Variants in TTC39B observed in about 807,000 individuals in gnomAD.
TTC39B encodes the protein tetratricopeptide repeat domain 39B, also known as tetratricopeptide repeat protein 39B.
A neutral mutation model predicts 96.6 loss-of-function variants in TTC39B; 92 were observed. That is an observed-to-expected ratio of 0.95 (90% CI 0.80 to 1.13). The LOEUF (loss-of-function observed/expected upper bound fraction) is 1.13. TTC39B is among the 50% of genes most tolerant of loss of function. The probability of loss-of-function intolerance (pLI) is 0.00; values close to 1 mark genes in which losing one functional copy is unlikely to be tolerated. For synonymous variants in TTC39B, 367 were observed against 299.4 expected, an observed-to-expected ratio of 1.23 and a Z score of -2.33; for missense variants, 955 against 809.3, an observed-to-expected ratio of 1.18 and a Z score of -2.18.
chr9:15,263,051 T>G (rs746014477), intron 2 of TTC39B, among the ~76,000 whole-genome samples: 7 of 152,216 alleles, frequency 4.6e-5, no homozygotes, highest in Non-Finnish European at 4.4e-5. Context: ...TTAACATGTA[T>G]TTATAATCAG....
chr9:15,302,602 G>C (rs1194230135), intron 1 of TTC39B, among the ~76,000 whole-genome samples: 2 of 140,018 alleles, frequency 1.4e-5, no homozygotes, highest in Non-Finnish European at 3.0e-5. Context: ...CCAGCACTTT[G>C]AGAGGCCGAG....
At chr9:15,173,222 A>C (rs1018874590) in intron 19 of TTC39B, among the ~76,000 whole-genome samples, 19 of 152,318 alleles carry the variant, frequency 1.2e-4, no homozygotes, top group Non-Finnish European at 2.5e-4. Flanking sequence ...GGATTTGAAG[A>C]TATCTATATC....
At position 15,214,344 on chromosome 9, in the gene TTC39B, GTGTCTGTGTGTGTGTGTC is replaced by G. The variant is rs1215426947; in HGVS notation, c.372-113_372-96del. 18 of 729,678 alleles carry G rather than the reference GTGTCTGTGTGTGTGTGTC, an allele frequency of 2.5e-5. No individual in the cohort carries two copies. The African/African-American group carries it at 2.9e-4, about 12-fold the overall frequency. The allele number at this position is 729,678 out of a possible 1,614,324, so 45.2% of individuals were successfully genotyped here. A position where few individuals can be genotyped will look rare whatever the true frequency, so the allele number is the denominator to read the frequency against. The stretch of plus-strand genomic sequence containing the variant: ...TGTGTGTGTGTGTGTGTGTGTGTGT[GTGTCTGTGTGTGTGTGTC>G]TGTGTGTGTGTCTGTGTGTGGATTC... On this transcript the variant is annotated intron_variant, in intron 3 of 19. Coordinates refer to ENST00000512701, the Ensembl canonical transcript of TTC39B.
chr9:15,260,562 T>C (rs917132232), intron 2 of TTC39B, among the ~76,000 whole-genome samples: 1 of 152,066 alleles, frequency 6.6e-6, no homozygotes, highest in African/African-American at 2.4e-5. Context: ...TTCACCGATA[T>C]TCACCCTTAA....
chr9:15,302,424 G>A lies in TTC39B; in HGVS notation c.240+4660C>T, dbSNP rs372141210. On this transcript the variant is annotated intron_variant, in intron 1 of 19. Transcript: ENST00000512701. ...AAGGTCAGGAGTTCGAGACCAGCCT[G>A]GCCAATATGGTGAAACCTCGTCTCT... 8.0e-5 allele frequency among the ~76,000 whole-genome samples: 12 copies of A among 150,100 alleles called. No individual in the cohort carries two copies. In the East Asian group the frequency reaches 2.0e-3, roughly 25 times the overall value.
At chr9:15,184,852 T>C (rs1267063832) in intron 16 of TTC39B, among the ~76,000 whole-genome samples, 1 of 152,242 alleles carries the variant, frequency 6.6e-6, no homozygotes, top group Non-Finnish European at 1.5e-5. Context: ...ATATACTGGG[T>C]TAAAATATAT....
chr9:15,172,028 G>T, exon 20 of TTC39B: 1 of 1,611,940 alleles, frequency 6.2e-7, no homozygotes, highest in Non-Finnish European at 8.5e-7. Context: ...ATCAATCTGA[G>T]GAAGGTTTTC....
intron 1 of TTC39B, among the ~76,000 whole-genome samples, chr9:15,290,461 AC>A: frequency 6.6e-6 from 1 of 152,318 alleles, no homozygotes; most frequent in African/African-American, 2.4e-5. Flanking sequence ...CAGAATCTTT[AC>A]CATAAAACAG....
chr9:15,294,980 A>C (rs920095632), intron 1 of TTC39B, among the ~76,000 whole-genome samples: 4 of 152,210 alleles, frequency 2.6e-5, no homozygotes, highest in South Asian at 4.1e-4. Flanking sequence ...CAGGGATTCA[A>C]GCCCACGTCC....
At chr9:15,240,689 A>G (rs1026518811) in intron 2 of TTC39B, among the ~76,000 whole-genome samples, 1 of 152,220 alleles carries the variant, frequency 6.6e-6, no homozygotes, top group African/African-American at 2.4e-5. Flanking sequence ...GAAATATGCA[A>G]GAACAGTATA....
At position 15,175,078 on chromosome 9, in the gene TTC39B, TGC is replaced by T. The variant is rs1564307976; in HGVS notation, c.1897_1898del (p.Ala633IlefsTer4). ...TTTCCCCCTGGCTTTTATACAAAGA[TGC>T]CAATTCAAATAGAGTGAACGGCACT... On this transcript the variant is annotated frameshift_variant, in exon 19 of 20. Transcript: ENST00000512701. LOFTEE classifies it high-confidence loss of function. 1 of 1,613,774 alleles carries T rather than the reference TGC, an allele frequency of 6.2e-7. No homozygotes were observed. Among genetic ancestry groups the T allele is most frequent in the Non-Finnish European group, 8.5e-7 (1 of 1,179,784 alleles).
intron 2 of TTC39B, among the ~76,000 whole-genome samples, chr9:15,240,863 T>C (rs1822006738): frequency 6.6e-6 from 1 of 152,218 alleles, no homozygotes; most frequent in Admixed American, 6.5e-5. Context: ...TTCTATTTCC[T>C]GCATTGATAA....
At chr9:15,300,536 C>T (rs541415431) in intron 1 of TTC39B, among the ~76,000 whole-genome samples, 23 of 152,324 alleles carry the variant, frequency 1.5e-4, no homozygotes, top group African/African-American at 5.3e-4. Flanking sequence ...GCTTCATCCA[C>T]TTCACCAGAT....
At chr9:15,252,157 A>G (rs1822584625) in intron 2 of TTC39B, among the ~76,000 whole-genome samples, 1 of 152,234 alleles carries the variant, frequency 6.6e-6, no homozygotes, top group African/African-American at 2.4e-5. Flanking sequence ...CAAAATTATT[A>G]GTAAAGTACA....
At chr9:15,250,254 A>T (rs541998915) in intron 2 of TTC39B, 1 of 1,092,714 alleles carries the variant, frequency 9.2e-7, no homozygotes, top group African/African-American at 1.7e-5. Flanking sequence ...TTTTCCCCCA[A>T]TCTCTGCTGC....
intron 2 of TTC39B, among the ~76,000 whole-genome samples, chr9:15,244,453 A>G (rs1181831862): frequency 1.3e-5 from 2 of 152,258 alleles, no homozygotes; most frequent in Admixed American, 1.3e-4. Flanking sequence ...CAAAGCAGCA[A>G]TAACAACACC....
exon 3 of TTC39B, chr9:15,225,981 G>T: frequency 6.2e-7 from 1 of 1,613,974 alleles, no homozygotes; most frequent in Non-Finnish European, 8.5e-7. Flanking sequence ...GCAAAGTGAA[G>T]GCTGCTTGTT....
At chr9:15,226,866 C>T (rs533583947) in intron 2 of TTC39B, among the ~76,000 whole-genome samples, 2 of 152,048 alleles carry the variant, frequency 1.3e-5, no homozygotes, top group Non-Finnish European at 2.9e-5. Flanking sequence ...AATTGCCAAT[C>T]TCCTTCCATT....
At chr9:15,189,517 C>G in intron 13 of TTC39B, 57 bp downstream of exon 13, 1 of 1,579,156 alleles carries the variant, frequency 6.3e-7, no homozygotes, top group Non-Finnish European at 8.7e-7. Context: ...CACAGCGACT[C>G]ATGTAGGAGT....
Sources: gnomAD v4.1 joint callset for allele counts (sites outside exome capture counted in the v4.1 genomes callset) on GRCh38, gnomAD v4.1.1 for gene constraint, MANE v1.5 for transcripts, NCBI Gene and HGNC (gene_info 2026-07-23, HGNC 2026-07-21) for gene names.